The following KLK11 variants were observed in gnomAD, a reference collection of about 807,000 sequenced individuals.
KLK11 encodes the protein kallikrein related peptidase 11.
In KLK11, 10 loss-of-function variants were observed where a neutral mutation model predicts 23.4. That is an observed-to-expected ratio of 0.43 (90% CI 0.26 to 0.73). KLK11 has a LOEUF of 0.73. Among genes scored for constraint, KLK11 ranks in the 30% least tolerant of loss-of-function variants. The probability of loss-of-function intolerance (pLI) is 0.22; values close to 1 mark genes in which losing one functional copy is unlikely to be tolerated. For missense variants in KLK11, 285 were observed against 327.8 expected, an observed-to-expected ratio of 0.87 and a Z score of 1.01; for synonymous variants, 131 against 131.7, an observed-to-expected ratio of 0.99 and a Z score of 0.03.
At chr19:51,027,520 G>A, upstream of KLK11, 1 of 1,614,014 alleles carries the variant, frequency 6.2e-7, no homozygotes, top group Non-Finnish European at 8.5e-7. Context: ...CTCTGCATCT[G>A]CGGAACCCGA....
chr19:51,023,158 G>A lies in KLK11; in HGVS notation c.534C>T (p.Tyr178=). 1 of 1,613,706 alleles carries A rather than the reference G, an allele frequency of 6.2e-7. No homozygotes were observed. ...IIEHQKCENA[Y]PGNITDTMVC... ...CCATGGTGTCTGTGATGTTGCCGGG[G>A]TAGGCGTTCTCACACTTCTGGTGCT... The change falls in exon 5 of 6, where the codon TAC becomes TAT. Residue 178 remains tyrosine, a synonymous_variant. Transcript: ENST00000453757.
chr19:51,024,170 AG>A lies in KLK11; in HGVS notation c.337del (p.Leu113TrpfsTer2). 1.2e-6 allele frequency: 2 copies of A among 1,614,026 alleles called. No homozygotes were observed. Among genetic ancestry groups the A allele is most frequent in the Non-Finnish European group, 1.7e-6 (2 of 1,179,952 alleles). On this transcript the variant is annotated frameshift_variant, in exon 4 of 6. Coordinates refer to ENST00000453757, the MANE Select transcript of KLK11 (RefSeq NM_001136032.3). LOFTEE classifies it high-confidence loss of function. This position sits in a 1 kb window ranked among gnomAD's most constrained non-coding sequence, Gnocchi z 6.2. ...GGAGACTGGCGATGCCATCTTCACCAGCATGATGTCATTGCGGTGGTCTTTG... is the reference window on the plus strand; with the variant it reads ...GGAGACTGGCGATGCCATCTTCACCACATGATGTCATTGCGGTGGTCTTTG... The part of the protein sequence containing the change: ...PNKDHRNDIM[L>X]VKMASPVSIT...
chr19:51,023,218 A>G lies in KLK11; in HGVS notation c.474T>C (p.Pro158=). ...TGATGTTGGCGCATCGCAAGGTGTGAGGCAGGCGTACTGTGGAAACAGCGT... is the reference window on the plus strand; with the variant it reads ...TGATGTTGGCGCATCGCAAGGTGTGGGGCAGGCGTACTGTGGAAACAGCGT... ...GSTSSPQLRL[P]HTLRCANITI... The change falls in exon 5 of 6, where the codon CCT becomes CCC. Residue 158 remains proline (P), a synonymous_variant. Coordinates refer to ENST00000453757, the MANE Select transcript of KLK11 (RefSeq NM_001136032.3). 6.2e-7 allele frequency: 1 copy of G among 1,612,758 alleles called. No individual in the cohort carries two copies. The highest frequency in any genetic ancestry group is 8.5e-7 in the Non-Finnish European group (1 of 1,179,728).
At chr19:51,027,958 T>C (rs2091509090), upstream of KLK11, 2 of 157,610 alleles carry the variant, frequency 1.3e-5, no homozygotes, top group Admixed American at 1.3e-4. Flanking sequence ...TGAGTCCCAG[T>C]GGAGACAGAA....
Position 51,024,288 on chromosome 19 carries a change from GC to G in KLK11, c.219del (p.Gln74SerfsTer41). The G allele has an allele frequency of 6.2e-7, 1 of 1,614,014 alleles. No homozygotes were observed. The highest frequency in any genetic ancestry group is 1.7e-4 in the Middle Eastern group (1 of 6,060). ...CCCTCCTCCTTCTGGAGGTTGTGCT[GC>G]CCCAGGTGAACTATGTAGCGGCTGA... Reference protein sequence around the residue: ...CLKPRYIVHLGQHNLQKEEGC... With the variant: ...CLKPRYIVHLXQHNLQKEEGC... On this transcript the variant is annotated frameshift_variant, in exon 4 of 6. Transcript: ENST00000453757. LOFTEE classifies it high-confidence loss of function. This position sits in a 1 kb window ranked among gnomAD's most constrained non-coding sequence, Gnocchi z 6.2.
upstream of KLK11, chr19:51,026,866 C>T (rs532094180): frequency 3.2e-5 from 5 of 154,752 alleles, no homozygotes; most frequent in East Asian, 9.6e-4. Flanking sequence ...CCCTGAGTCT[C>T]TGAATCTGTG....
chr19:51,027,361 C>T (rs2091501667), upstream of KLK11: 1 of 1,277,054 alleles, frequency 7.8e-7, no homozygotes, highest in Non-Finnish European at 1.1e-6. Context: ...CTGTGCTCCA[C>T]CCCAGGGCTC....
chr19:51,024,423 C>T lies in KLK11; in HGVS notation c.198-113G>A, dbSNP rs766821914. 4.0e-6 allele frequency: 6 copies of T among 1,487,838 alleles called. No homozygotes were observed. The highest frequency in any genetic ancestry group is 4.5e-6 in the Non-Finnish European group (5 of 1,108,194). 92.2% of individuals were successfully genotyped at this position (1,487,838 alleles called of 1,614,324 possible). A position where few individuals can be genotyped will look rare whatever the true frequency, so the allele number is the denominator to read the frequency against. On this transcript the variant is annotated intron_variant, in intron 3 of 5. Coordinates refer to ENST00000453757, the MANE Select transcript of KLK11 (RefSeq NM_001136032.3). This position sits in a 1 kb window ranked among gnomAD's most constrained non-coding sequence, Gnocchi z 6.2. The stretch of plus-strand genomic sequence containing the variant: ...ACATCGCTCTGCTTCCAACCTCTTC[C>T]ACGTCTCCCACCGAAGCCCCCTTCC...
Position 51,024,890 on chromosome 19 carries a change from T to A in KLK11, c.41-96A>T. 1 of 1,207,674 alleles carries A rather than the reference T, an allele frequency of 8.3e-7. No homozygotes were observed. The highest frequency in any genetic ancestry group is 1.1e-6 in the Non-Finnish European group (1 of 897,554). 74.8% of individuals were successfully genotyped at this position (1,207,674 alleles called of 1,614,324 possible). A position where few individuals can be genotyped will look rare whatever the true frequency, so the allele number is the denominator to read the frequency against. Reference sequence around the variant, plus strand: ...GGGGGTGGGGAGGAGAGAAAGAGAGTGGGTGGTCTGGGCCCTGGTCTGGTG... The same window carrying A: ...GGGGGTGGGGAGGAGAGAAAGAGAGAGGGTGGTCTGGGCCCTGGTCTGGTG... On this transcript the variant is annotated intron_variant, in intron 2 of 5. Transcript: ENST00000453757. This position sits in a 1 kb window ranked among gnomAD's most constrained non-coding sequence, Gnocchi z 6.2.
chr19:51,027,436 C>A, upstream of KLK11: 4 of 1,613,118 alleles, frequency 2.5e-6, no homozygotes, highest in Non-Finnish European at 3.4e-6. Context: ...CCAGGCAGCC[C>A]GAGTCCAGCT....
At chr19:51,023,929 C>G in intron 4 of KLK11, 116 bp downstream of exon 4, 2 of 971,224 alleles carry the variant, frequency 2.1e-6, no homozygotes, top group South Asian at 4.4e-5. Flanking sequence ...CACACATCCT[C>G]TCAACTTATC....
chr19:51,027,306 A>G, upstream of KLK11: 2 of 773,668 alleles, frequency 2.6e-6, no homozygotes, highest in Admixed American at 4.2e-5. Context: ...GAGGCAGGTC[A>G]GGGCCTGTGG....
rs892067287 is a variant in KLK11, at chr19:51,022,682, G to A, written c.616C>T (p.Pro206Ser). ...TGAAGAGACTGGTTACAGACCAGAG[G>A]GCCCCCGGAGTCACCCTGGGCACGG... is the stretch of plus-strand genomic sequence containing the variant. ...KDSCQGDSGG[P>S]LVCNQSLQGI... The change falls in exon 6 of 6, where the codon CCT (proline) becomes TCT (serine). Residue 206 changes from proline to serine, a missense_variant. By Grantham distance (74) the Pro-to-Ser change is moderately conservative. Coordinates refer to ENST00000453757, the MANE Select transcript of KLK11 (RefSeq NM_001136032.3). 3 of 1,613,028 alleles carry A rather than the reference G, an allele frequency of 1.9e-6. No individual in the cohort carries two copies. The highest frequency in any genetic ancestry group is 2.5e-6 in the Non-Finnish European group (3 of 1,180,034).
chr19:51,027,469 G>A (rs1276929675), upstream of KLK11: 1 of 1,614,032 alleles, frequency 6.2e-7, no homozygotes, highest in Middle Eastern at 1.7e-4. Context: ...GCTGCTGTGA[G>A]ACCTCTGCCC....
rs1455149344 is a variant in KLK11 at position 51,024,994 on chromosome 19, A to T, written c.41-200T>A. ...TCCATAAGGTCAAATGCAGTGGCTC[A>T]TGCCTGTAATCCCAGCACTTTGAGA... On this transcript the variant is annotated intron_variant, in intron 2 of 5. Coordinates refer to ENST00000453757, the MANE Select transcript of KLK11 (RefSeq NM_001136032.3). This position sits in a 1 kb window ranked among gnomAD's most constrained non-coding sequence, Gnocchi z 6.2. Among the ~76,000 whole-genome samples the T allele has an allele frequency of 6.6e-6, 1 of 152,178 alleles. No individual in the cohort carries two copies. The highest frequency in any genetic ancestry group is 1.5e-5 in the Non-Finnish European group (1 of 68,044).
upstream of KLK11, chr19:51,027,386 T>A: frequency 6.6e-7 from 1 of 1,505,508 alleles, no homozygotes; most frequent in Non-Finnish European, 9.2e-7. Flanking sequence ...GGGGCCTCGC[T>A]CCTCTGCTGA....
At position 51,025,719 on chromosome 19, in the gene KLK11, G is replaced by T. The variant is rs145926421; in HGVS notation, c.-35-53C>A. On this transcript the variant is annotated intron_variant, in intron 1 of 5. Coordinates refer to ENST00000453757, the MANE Select transcript of KLK11 (RefSeq NM_001136032.3). This position sits in a 1 kb window ranked among gnomAD's most constrained non-coding sequence, Gnocchi z 6.2. ...CATCACTTTACGGGGAAATCGGGAG[G>T]GGGGGGCTGGCTCATGCCCTCTCCT... The T allele has an allele frequency of 1.4e-4, 102 of 716,398 alleles. No individual in the cohort carries two copies. The highest frequency in any genetic ancestry group is 4.9e-4 in the East Asian group (16 of 32,904). 44.4% of individuals were successfully genotyped at this position (716,398 alleles called of 1,614,324 possible).
Position 51,024,122 on chromosome 19 carries a change from A to C in KLK11, c.386T>G (p.Leu129Arg). 1 of 1,602,972 alleles carries C rather than the reference A, an allele frequency of 6.2e-7. No individual in the cohort carries two copies. The highest frequency in any genetic ancestry group is 1.3e-5 in the African/African-American group (1 of 74,902). Residue 129 changes from leucine to arginine, a missense_variant, in exon 4 of 6, where the codon CTC (leucine) becomes CGC (arginine). By Grantham distance (102) the Leu-to-Arg change is moderately radical. Coordinates refer to ENST00000453757, the MANE Select transcript of KLK11 (RefSeq NM_001136032.3). This position sits in a 1 kb window ranked among gnomAD's most constrained non-coding sequence, Gnocchi z 6.2. ...AGTGACACAGCGTGAGGAGAGGGTG[A>C]GGGGTCGCACAGCCCAGGTGATGGA... Reference protein sequence around the residue: ...PVSITWAVRPLTLSSRCVTAG... With the variant: ...PVSITWAVRPRTLSSRCVTAG...
chr19:51,027,709 T>C, upstream of KLK11: 1 of 584,172 alleles, frequency 1.7e-6, no homozygotes, highest in Non-Finnish European at 3.0e-6. Flanking sequence ...TGACTACCCT[T>C]ATGACGTGGG....
Sources: gnomAD v4.1 joint callset for allele counts (sites outside exome capture counted in the v4.1 genomes callset) on GRCh38, gnomAD v4.1.1 for gene constraint, Gnocchi (gnomAD v3.1) non-coding constraint, MANE v1.5 for transcripts, NCBI Gene and HGNC (gene_info 2026-07-23, HGNC 2026-07-21) for gene names.